Variants in YIPF1 observed in about 807,000 individuals in gnomAD.
YIPF1 encodes protein YIPF1.
Under a neutral mutation model 37.0 loss-of-function variants are expected in YIPF1, and 22 were observed. The ratio of observed to expected loss-of-function variants is 0.59; its 90% confidence interval spans 0.42 to 0.85. The LOEUF is 0.85. Ranked by LOEUF, YIPF1 falls within the 40% of genes least tolerant of loss-of-function variation. YIPF1 has a pLI of 0.00. For missense variants in YIPF1, 355 were observed against 373.1 expected, an observed-to-expected ratio of 0.95 and a Z score of 0.40; for synonymous variants, 128 against 131.9, an observed-to-expected ratio of 0.97 and a Z score of 0.21.
At chr1:53,859,386 G>C (rs980612054) in intron 10 of YIPF1, among the ~76,000 whole-genome samples, 1 of 152,120 alleles carries the variant, frequency 6.6e-6, no homozygotes, top group African/African-American at 2.4e-5. Context: ...ATAAATGGCC[G>C]GGCACGGTGG....
Position 53,879,101 on chromosome 1 carries a change from CT to C in YIPF1, c.196-380del, listed in dbSNP as rs5774165. Among the ~76,000 whole-genome samples, 1,187 of 146,626 alleles carry C rather than the reference CT, an allele frequency of 8.1e-3. 9 individuals carry two copies. Among genetic ancestry groups the C allele is most frequent in the African/African-American group, 0.028 (1,125 of 40,022 alleles). Reference sequence around the variant, plus strand: ...GGCAGTCAGTGTAAATATCTTTTCGCTTTTTTTTTTTGAGATGGCGTCTCAC... The same window carrying C: ...GGCAGTCAGTGTAAATATCTTTTCGCTTTTTTTTTTGAGATGGCGTCTCAC... On this transcript the variant is annotated intron_variant, in intron 4 of 10. Transcript: ENST00000072644.
intron 10 of YIPF1, among the ~76,000 whole-genome samples, chr1:53,857,967 T>G (rs1649764523): frequency 1.6e-5 from 2 of 125,974 alleles, no homozygotes; most frequent in East Asian, 2.3e-4. Flanking sequence ...GGCGACAGAG[T>G]GAGACTCCAC....
intron 3 of YIPF1, among the ~76,000 whole-genome samples, chr1:53,886,022 A>C (rs1204234445): frequency 6.6e-6 from 1 of 151,892 alleles, no homozygotes; most frequent in Non-Finnish European, 1.5e-5. Flanking sequence ...TTTAAAAAGC[A>C]GTAGTTTACC....
Position 53,878,409 on chromosome 1 carries a change from A to G in YIPF1, c.277-7T>C. 1 of 1,613,594 alleles carries G rather than the reference A, an allele frequency of 6.2e-7. No homozygotes were observed. ...CTTTAATTCTGTCAAAGACCTGGAA[A>G]ACATCATAGCAGTAATTCTACTGAA... On this transcript the variant is annotated splice_polypyrimidine_tract_variant and splice_region_variant and intron_variant, in intron 5 of 10. Coordinates refer to ENST00000072644, the MANE Select transcript of YIPF1 (RefSeq NM_018982.5).
chr1:53,862,449 C>T (rs1250362027), intron 9 of YIPF1, among the ~76,000 whole-genome samples: 15 of 152,152 alleles, frequency 9.9e-5, no homozygotes, highest in Non-Finnish European at 2.9e-5. Flanking sequence ...CAGCAGTAAC[C>T]ACCTCAAACT....
At chr1:53,861,823 G>A (rs946123941) in intron 9 of YIPF1, among the ~76,000 whole-genome samples, 15 of 152,128 alleles carry the variant, frequency 9.9e-5, no homozygotes, top group Non-Finnish European at 2.2e-4. Flanking sequence ...AGACCAGCCC[G>A]GCAAACATGG....
intron 9 of YIPF1, among the ~76,000 whole-genome samples, chr1:53,860,565 T>A (rs1649843657): frequency 1.3e-5 from 2 of 152,202 alleles, no homozygotes; most frequent in Non-Finnish European, 2.9e-5. Flanking sequence ...CATTATACAG[T>A]CTTTCCTCCA....
intron 4 of YIPF1, among the ~76,000 whole-genome samples, chr1:53,879,889 C>T (rs1378772850): frequency 6.6e-6 from 1 of 152,098 alleles, no homozygotes. Flanking sequence ...TGAAGAAAAG[C>T]AGGGTGGGGC....
At position 53,855,786 on chromosome 1, in the gene YIPF1, C is replaced by T. The variant is rs576916442; in HGVS notation, c.*9-3516G>A. ...GCACAATGATGAAACTGCCTAATGACGCATGTCTCAGAATGCATCCCATCA... is the reference window on the plus strand; with the variant it reads ...GCACAATGATGAAACTGCCTAATGATGCATGTCTCAGAATGCATCCCATCA... On this transcript the variant is annotated intron_variant, in intron 10 of 10. Coordinates refer to ENST00000072644, the MANE Select transcript of YIPF1 (RefSeq NM_018982.5). 5.9e-5 allele frequency among the ~76,000 whole-genome samples: 9 copies of T among 152,228 alleles called. No individual in the cohort carries two copies. The East Asian group carries it at 1.2e-3, about 20-fold the overall frequency.
chr1:53,863,553 GC>G (rs1649941135), intron 9 of YIPF1, among the ~76,000 whole-genome samples: 1 of 152,184 alleles, frequency 6.6e-6, no homozygotes, highest in South Asian at 2.1e-4. Flanking sequence ...CAAGTCTCTT[GC>G]CTAGGTTTGC....
chr1:53,883,214 C>A lies in YIPF1; in HGVS notation c.94G>T (p.Asp32Tyr), dbSNP rs371698029. Residue 32 changes from aspartate to tyrosine, a missense_variant, in exon 4 of 11, where the codon GAT becomes TAT. Physicochemically the swap from Asp to Tyr is radical, Grantham distance 160 (BLOSUM62 -3). Coordinates refer to ENST00000072644, the MANE Select transcript of YIPF1 (RefSeq NM_018982.5). ...NPDATTVNIE[D>Y]PGETPKHQPG... The stretch of plus-strand genomic sequence containing the variant: ...TGATGTTTTGGGGTTTCACCAGGAT[C>A]CTCAATGTTTACTGTGGTGGCATCT... 3 of 1,596,132 alleles carry A rather than the reference C, an allele frequency of 1.9e-6. No homozygotes were observed. In the African/African-American group the frequency reaches 4.1e-5, roughly 22 times the overall value.
At chr1:53,885,038 G>A (rs932506973) in intron 3 of YIPF1, among the ~76,000 whole-genome samples, 1 of 152,220 alleles carries the variant, frequency 6.6e-6, no homozygotes, top group Admixed American at 6.5e-5. Flanking sequence ...TAAGCAACAT[G>A]AGGTTCTGGA....
At position 53,864,229 on chromosome 1, in the gene YIPF1, G is replaced by A. The variant is rs190580807; in HGVS notation, c.831+1971C>T. On this transcript the variant is annotated intron_variant, in intron 9 of 10. Transcript: ENST00000072644. ...GAGACGGGAGATGCCAGTGAGGGACGAGAGATGCCAGTGAGAGTTGGTCAC... is the reference window on the plus strand; with the variant it reads ...GAGACGGGAGATGCCAGTGAGGGACAAGAGATGCCAGTGAGAGTTGGTCAC... Among the ~76,000 whole-genome samples the A allele has an allele frequency of 8.5e-5, 13 of 152,246 alleles. No homozygotes were observed. The South Asian group carries it at 2.3e-3, about 27-fold the overall frequency.
chr1:53,877,767 A>C (rs1650369915), intron 6 of YIPF1, among the ~76,000 whole-genome samples: 1 of 152,210 alleles, frequency 6.6e-6, no homozygotes. Context: ...AAAGTGACTA[A>C]ATTTGTCTCA....
intron 4 of YIPF1, among the ~76,000 whole-genome samples, chr1:53,879,050 T>C (rs1400286909): frequency 6.6e-6 from 1 of 151,920 alleles, no homozygotes; most frequent in Non-Finnish European, 1.5e-5. Context: ...AATAAATACA[T>C]ATACACACAT....
At chr1:53,863,652 A>G (rs902285012) in intron 9 of YIPF1, among the ~76,000 whole-genome samples, 3 of 152,174 alleles carry the variant, frequency 2.0e-5, no homozygotes, top group Non-Finnish European at 4.4e-5. Flanking sequence ...TGGGCAGGTA[A>G]ATCCTGGTTT....
rs201932662 is a variant in YIPF1 at position 53,883,220 on chromosome 1, T to C, written c.88A>G (p.Ile30Val). Reference protein sequence around the residue: ...TANPDATTVNIEDPGETPKHQ... With the variant: ...TANPDATTVNVEDPGETPKHQ... Reference sequence around the variant, plus strand: ...TTTGGGGTTTCACCAGGATCCTCAATGTTTACTGTGGTGGCATCTGGGTTT... The same window carrying C: ...TTTGGGGTTTCACCAGGATCCTCAACGTTTACTGTGGTGGCATCTGGGTTT... Residue 30 changes from isoleucine (I) to valine (V), a missense_variant, in exon 4 of 11, where the codon ATT (isoleucine) becomes GTT (valine). Transcript: ENST00000072644. 8.1e-6 allele frequency: 13 copies of C among 1,596,048 alleles called. No homozygotes were observed. In the African/African-American group the frequency reaches 1.2e-4, roughly 15 times the overall value.
At chr1:53,887,576 T>C (rs1650689635) in intron 3 of YIPF1, among the ~76,000 whole-genome samples, 2 of 151,562 alleles carry the variant, frequency 1.3e-5, no homozygotes, top group Admixed American at 6.6e-5. Flanking sequence ...ATGGTGAGAG[T>C]AGTGGTGGAG....
chr1:53,851,962 T>C lies in YIPF1; in HGVS notation c.*317A>G, dbSNP rs1432979413. 1 of 152,222 alleles carries C rather than the reference T, an allele frequency of 6.6e-6. No homozygotes were observed. Among genetic ancestry groups the C allele is most frequent in the Non-Finnish European group, 1.5e-5 (1 of 68,050 alleles). The allele number at this position is 152,222 out of a possible 1,614,324, so 9.4% of individuals were successfully genotyped here. A position where few individuals can be genotyped will look rare whatever the true frequency, so the allele number is the denominator to read the frequency against. On this transcript the variant is annotated 3_prime_UTR_variant, in exon 11 of 11. Transcript: ENST00000072644. ...TATTTCAGGTATTAAGGTACCACAG[T>C]GAAGCATGTCATTTGACTGTGGTGG...
Sources: allele counts gnomAD v4.1 joint callset (sites outside exome capture counted in the v4.1 genomes callset), GRCh38; gene constraint gnomAD v4.1.1; transcripts MANE v1.5; gene names NCBI Gene and HGNC (gene_info 2026-07-23, HGNC 2026-07-21).